CHODL: variants seen among roughly 807,000 people sequenced by gnomAD.
The protein encoded by CHODL is transmembrane protein MT75.
Under a neutral mutation model 34.5 loss-of-function variants are expected in CHODL, and 29 were observed. The observed-to-expected ratio is 0.84, with a 90% confidence interval of 0.63 to 1.15. CHODL has a LOEUF of 1.15. Among genes scored for constraint, CHODL ranks in the 50% most tolerant of loss-of-function variants. The pLI is 0.00. For missense variants in CHODL, 332 were observed against 332.5 expected (o/e 1.00, Z 0.01); for synonymous variants, 125 against 116.1 (o/e 1.08, Z -0.49).
In CHODL at chr21:18,223,037, G is replaced by T. The variant is rs1193622798; in HGVS notation, c.-44-33472G>T. On this transcript the variant is annotated intron_variant, in intron 2 of 6. Coordinates refer to the CHODL transcript ENST00000400127. ...AGTAAAAAGAGCCAATGACTGAAAG[G>T]TATATAATCACCTAAGTGGGAAAAA... is the stretch of plus-strand genomic sequence containing the variant. Among the ~76,000 whole-genome samples the T allele has an allele frequency of 3.3e-5, 5 of 152,220 alleles. No individual in the cohort carries two copies. The East Asian group carries it at 7.7e-4, about 23-fold the overall frequency.
upstream of CHODL, among the ~76,000 whole-genome samples, chr21:18,243,336 G>A (rs879584189): frequency 9.8e-5 from 15 of 152,288 alleles, no homozygotes; most frequent in African/African-American, 3.1e-4. Flanking sequence ...GTTGCCTGGA[G>A]GCGTATCAGT....
At chr21:18,223,167 A>T (rs542759725) in intron 2 of CHODL, among the ~76,000 whole-genome samples, 11 of 152,326 alleles carry the variant, frequency 7.2e-5, no homozygotes, top group African/African-American at 2.6e-4. Context: ...AATCAGTAAA[A>T]GTCATGGAAA....
At chr21:17,984,942 G>A (rs532153146) in intron 1 of CHODL, among the ~76,000 whole-genome samples, 1 of 152,142 alleles carries the variant, frequency 6.6e-6, no homozygotes, top group Admixed American at 6.5e-5. Flanking sequence ...GATAAATTGT[G>A]TAGTTTTGCA....
intron 2 of CHODL, among the ~76,000 whole-genome samples, chr21:18,059,640 T>C (rs207795): frequency 0.41 from 62,519 of 151,692 alleles, 13,607 homozygotes; most frequent in East Asian, 0.82. Context: ...TTCCTGATGC[T>C]CTCCCTCCCC....
intron 2 of CHODL, among the ~76,000 whole-genome samples, chr21:18,195,344 G>A (rs764454963): frequency 9.2e-5 from 14 of 152,242 alleles, no homozygotes; most frequent in Non-Finnish European, 1.3e-4. Context: ...GTGAGCCACC[G>A]CACCCAGCCC....
chr21:18,077,066 C>T (rs770877497), intron 2 of CHODL, among the ~76,000 whole-genome samples: 2 of 152,186 alleles, frequency 1.3e-5, no homozygotes, highest in Non-Finnish European at 2.9e-5. Context: ...ACTCCTGGCT[C>T]AGTGAGTCTG....
chr21:18,162,071 C>T (rs1433287659), intron 2 of CHODL, among the ~76,000 whole-genome samples: 1 of 152,174 alleles, frequency 6.6e-6, no homozygotes, highest in African/African-American at 2.4e-5. Flanking sequence ...AGTCACTAAC[C>T]ACTAACCCCT....
chr21:17,926,566 T>C (rs761641873), intron 1 of CHODL, among the ~76,000 whole-genome samples: 43 of 152,096 alleles, frequency 2.8e-4, no homozygotes, highest in Non-Finnish European at 3.5e-4. Flanking sequence ...TCACAGGGCC[T>C]CAGCATGGAG....
intron 1 of CHODL, among the ~76,000 whole-genome samples, chr21:18,247,263 A>G (rs1270502362): frequency 6.6e-6 from 1 of 152,128 alleles, no homozygotes; most frequent in Non-Finnish European, 1.5e-5. Flanking sequence ...CCATTCACCA[A>G]ATCTTTATTG....
intron 2 of CHODL, among the ~76,000 whole-genome samples, chr21:18,036,341 A>T (rs73891127): frequency 0.039 from 5,870 of 152,088 alleles, 294 homozygotes; most frequent in East Asian, 0.16. Flanking sequence ...TTCCTCACAC[A>T]CATGCAAAGA....
intron 1 of CHODL, among the ~76,000 whole-genome samples, chr21:18,020,505 A>G (rs2064118189): frequency 6.6e-6 from 1 of 152,194 alleles, no homozygotes; most frequent in Non-Finnish European, 1.5e-5. Context: ...GTAAGGCTGA[A>G]TTCCTCCTTT....
intron 1 of CHODL, among the ~76,000 whole-genome samples, chr21:18,009,911 G>C (rs1021071823): frequency 2.2e-5 from 3 of 136,506 alleles, no homozygotes; most frequent in African/African-American, 8.7e-5. Context: ...TAACATTTGG[G>C]TATCAATCAG....
chr21:18,263,509 A>G (rs899221341), intron 5 of CHODL, among the ~76,000 whole-genome samples: 1 of 152,152 alleles, frequency 6.6e-6, no homozygotes, highest in African/African-American at 2.4e-5. Context: ...GCTTTCCTGT[A>G]CCCTTGGGTT....
At position 17,975,910 on chromosome 21, in the gene CHODL, T is replaced by C. The variant is rs111689735; in HGVS notation, c.-144-51962T>C. 1.2e-4 allele frequency among the ~76,000 whole-genome samples: 19 copies of C among 152,268 alleles called. 1 individual carries two copies. The highest frequency in any genetic ancestry group is 2.9e-4 in the African/African-American group (12 of 41,550). On this transcript the variant is annotated intron_variant, in intron 1 of 6. Transcript: ENST00000400127. The stretch of plus-strand genomic sequence containing the variant: ...ACCCAAAACAACAAACCAACAGATA[T>C]TTTAACTATGAAAGTCCAGTACAGA...
chr21:18,111,655 G>A (rs1311474060), intron 2 of CHODL, among the ~76,000 whole-genome samples: 1 of 152,118 alleles, frequency 6.6e-6, no homozygotes, highest in African/African-American at 2.4e-5. Context: ...CTTTTAGGTA[G>A]TATGTTATAG....
At chr21:18,252,171 A>G (rs966215436) in intron 1 of CHODL, among the ~76,000 whole-genome samples, 2 of 152,128 alleles carry the variant, frequency 1.3e-5, no homozygotes, top group African/African-American at 4.8e-5. Flanking sequence ...CTTCAATTGC[A>G]GATGCTAGTT....
At chr21:18,012,803 A>T (rs2064031552) in intron 1 of CHODL, among the ~76,000 whole-genome samples, 1 of 152,208 alleles carries the variant, frequency 6.6e-6, no homozygotes, top group South Asian at 2.1e-4. Flanking sequence ...ATGCTGAAAT[A>T]TATGGTGAAA....
At chr21:18,248,070 C>T (rs2074165597) in intron 1 of CHODL, among the ~76,000 whole-genome samples, 1 of 150,362 alleles carries the variant, frequency 6.7e-6, no homozygotes, top group African/African-American at 2.5e-5. Flanking sequence ...CCTATTTTTG[C>T]TGCAAAATGA....
At chr21:18,001,648 AAG>A (rs2063907277) in intron 1 of CHODL, among the ~76,000 whole-genome samples, 1 of 152,174 alleles carries the variant, frequency 6.6e-6, no homozygotes, top group South Asian at 2.1e-4. Flanking sequence ...TTTTTTTAAA[AAG>A]CCTAGGTAAG....
Sources: gnomAD v4.1 joint callset for allele counts (sites outside exome capture counted in the v4.1 genomes callset) on GRCh38, gnomAD v4.1.1 for gene constraint, MANE v1.5 for transcripts, NCBI Gene and HGNC (gene_info 2026-07-23, HGNC 2026-07-21) for gene names.